Variants in ZNF324B observed in about 807,000 individuals in gnomAD.
ZNF324B encodes zinc finger protein 324B.
In ZNF324B, 7 loss-of-function variants were observed where a neutral mutation model predicts 10.6. The observed-to-expected ratio is 0.66, with a 90% CI of 0.38 to 1.24. The LOEUF is 1.24. Ranked by LOEUF, ZNF324B falls within the 50% of genes most tolerant of loss-of-function variation. The pLI, the probability that ZNF324B is intolerant of heterozygous loss-of-function variation, is 0.02. For missense variants in ZNF324B, 640 were observed against 764.7 expected, an observed-to-expected ratio of 0.84 and a Z score of 1.92; for synonymous variants, 316 against 321.0, an observed-to-expected ratio of 0.98 and a Z score of 0.17.
chr19:58,456,574 G>A lies in ZNF324B; in HGVS notation c.1630G>A (p.Val544Ile), dbSNP rs755853692. The change falls in exon 4 of 4, where the codon GTC becomes ATC. Residue 544 changes from valine to isoleucine, a missense_variant. Around this residue, in one of 3 missense-constraint regions of ZNF324B, gnomAD observed 238 missense variants for 258.0 expected, o/e 0.92. Transcript: ENST00000336614. The surrounding 1 kb of genome is among the most constrained non-coding windows in gnomAD (Gnocchi z 4.7). Reference protein sequence around the residue: ...KPSPVLKPAKV With the variant: ...KPSPVLKPAKI ...AAGCCCAGTCCTGAAGCCAGCGAAG[G>A]TCTGAGGTCACAGGTCGCAGCCCAA... is the stretch of plus-strand genomic sequence containing the variant. 1 of 1,613,166 alleles carries A rather than the reference G, an allele frequency of 6.2e-7. No individual in the cohort carries two copies.
At chr19:58,447,207 A>T (rs751705135), upstream of ZNF324B, among the ~76,000 whole-genome samples, 2 of 151,116 alleles carry the variant, frequency 1.3e-5, no homozygotes, top group Non-Finnish European at 2.9e-5. Flanking sequence ...CAAACTCCTG[A>T]CCTCAAGTGA....
At chr19:58,433,010 TGAG>T in the ZNF324B span, 1 of 367,616 alleles carries the variant, frequency 2.7e-6, no homozygotes, top group Non-Finnish European at 4.9e-6. Flanking sequence ...TCGGTTCAGC[TGAG>T]CACAGTCCTG....
At chr19:58,438,288 C>T in the ZNF324B span, among the ~76,000 whole-genome samples, 1 of 152,136 alleles carries the variant, frequency 6.6e-6, no homozygotes, top group Non-Finnish European at 1.5e-5. Flanking sequence ...AGCATCCATC[C>T]CTTGGATGTT....
chr19:58,435,960 G>A, the ZNF324B span, among the ~76,000 whole-genome samples: 1 of 152,114 alleles, frequency 6.6e-6, no homozygotes, highest in African/African-American at 2.4e-5. Context: ...TCATCCACTG[G>A]TAAATGGATA....
chr19:58,426,629 G>A, the ZNF324B span, among the ~76,000 whole-genome samples: 12 of 152,320 alleles, frequency 7.9e-5, no homozygotes, highest in South Asian at 1.9e-3. Flanking sequence ...AAGCTTGGGA[G>A]TTGGAGATGA....
the ZNF324B span, chr19:58,441,901 C>A: frequency 2.0e-5 from 3 of 152,274 alleles, no homozygotes; most frequent in Non-Finnish European, 4.4e-5. Flanking sequence ...TAGTGAGGTC[C>A]AAGGGGGCTT....
the ZNF324B span, among the ~76,000 whole-genome samples, chr19:58,421,432 C>T: frequency 2.5e-4 from 38 of 152,062 alleles, no homozygotes; most frequent in Middle Eastern, 3.4e-3. Flanking sequence ...GGAGTCTCCC[C>T]GTCACCCAGG....
At chr19:58,422,128 G>T in the ZNF324B span, among the ~76,000 whole-genome samples, 2 of 152,138 alleles carry the variant, frequency 1.3e-5, no homozygotes, top group Admixed American at 1.3e-4. Context: ...TGTTGGCTAG[G>T]CTGGTCTCAA....
the ZNF324B span, among the ~76,000 whole-genome samples, chr19:58,426,212 G>A: frequency 2.6e-5 from 4 of 152,152 alleles, no homozygotes; most frequent in South Asian, 2.1e-4. Context: ...GAGGATCTGG[G>A]TTTCACAAGA....
the ZNF324B span, chr19:58,433,109 G>A: frequency 1.8e-6 from 1 of 569,736 alleles, no homozygotes; most frequent in Admixed American, 3.3e-5. Flanking sequence ...TTTGGATCCA[G>A]GCAAGATGGA....
At chr19:58,426,531 GAGA>G in the ZNF324B span, among the ~76,000 whole-genome samples, 1 of 152,210 alleles carries the variant, frequency 6.6e-6, no homozygotes, top group Non-Finnish European at 1.5e-5. Flanking sequence ...AGCCAAGCCA[GAGA>G]AGGTTACTGA....
At chr19:58,434,005 A>G in the ZNF324B span, 1 of 1,614,192 alleles carries the variant, frequency 6.2e-7, no homozygotes. Flanking sequence ...TCCAGTGTGA[A>G]CTTTCTGATG....
the ZNF324B span, among the ~76,000 whole-genome samples, chr19:58,421,463 C>G: frequency 6.6e-6 from 1 of 151,968 alleles, no homozygotes; most frequent in Non-Finnish European, 1.5e-5. Flanking sequence ...GTGGTGCAGT[C>G]TTGGCTCCCA....
the ZNF324B span, chr19:58,434,969 G>A: frequency 1.2e-6 from 2 of 1,614,158 alleles, no homozygotes; most frequent in Admixed American, 1.7e-5. Flanking sequence ...TTCTGGTGCT[G>A]GTGAAGGTTT....
At chr19:58,426,663 A>G in the ZNF324B span, among the ~76,000 whole-genome samples, 9 of 152,210 alleles carry the variant, frequency 5.9e-5, no homozygotes. Context: ...TGCTGACACT[A>G]GCATGAAGGA....
At chr19:58,454,392 A>T (rs1338569330) in intron 3 of ZNF324B, 48 bp downstream of exon 3, 1 of 1,219,770 alleles carries the variant, frequency 8.2e-7, no homozygotes, top group Admixed American at 1.7e-5. Flanking sequence ...CCTGTGGCCA[A>T]GCCCATGTCC....
chr19:58,454,545 C>G (rs1298614042), intron 3 of ZNF324B: 11 of 588,832 alleles, frequency 1.9e-5, no homozygotes, highest in Non-Finnish European at 3.0e-5. Context: ...GAGCTGGGTT[C>G]ACACAGAAGG....
At chr19:58,433,543 C>T in the ZNF324B span, 4 of 1,613,960 alleles carry the variant, frequency 2.5e-6, no homozygotes, top group African/African-American at 4.0e-5. Context: ...GCTAAAGGCT[C>T]TCCCACATTC....
At chr19:58,437,377 A>C in the ZNF324B span, among the ~76,000 whole-genome samples, 1 of 152,024 alleles carries the variant, frequency 6.6e-6, no homozygotes, top group African/African-American at 2.4e-5. Context: ...CAGGGCCCCC[A>C]CCTAACATGC....
Sources: allele counts gnomAD v4.1 joint callset (sites outside exome capture counted in the v4.1 genomes callset), GRCh38; gene constraint gnomAD v4.1.1; regional missense constraint gnomAD v4.1.1; non-coding constraint Gnocchi (gnomAD v3.1); transcripts MANE v1.5; gene names NCBI Gene and HGNC (gene_info 2026-07-23, HGNC 2026-07-21).